Variants in ACBD5 observed in about 807,000 individuals in gnomAD.
ACBD5 encodes the protein acyl-CoA-binding domain-containing protein 5.
ACBD5 carries 40 observed loss-of-function variants against 71.8 expected under a neutral mutation model. That is an observed-to-expected ratio of 0.56 (90% CI 0.43 to 0.72). The LOEUF is 0.72. Ranked by LOEUF, ACBD5 falls within the 30% of genes least tolerant of loss-of-function variation. The probability of loss-of-function intolerance (pLI) is 0.00; values close to 1 mark genes in which losing one functional copy is unlikely to be tolerated. For synonymous variants in ACBD5, 229 were observed against 218.6 expected (o/e 1.05, Z -0.42); for missense variants, 559 against 644.5 (o/e 0.87, Z 1.44).
chr10:27,236,510 A>G (rs889746671), intron 2 of ACBD5, among the ~76,000 whole-genome samples: 1 of 152,190 alleles, frequency 6.6e-6, no homozygotes, highest in Admixed American at 6.5e-5. Flanking sequence ...ACATCAGTGT[A>G]TATTACCTTT....
rs2065367516 is a variant in ACBD5 at position 27,240,600 on chromosome 10, C to T, written c.15+74G>A. 2.6e-6 allele frequency: 4 copies of T among 1,551,096 alleles called. No individual in the cohort carries two copies. The highest frequency in any genetic ancestry group is 3.3e-4 in the Middle Eastern group (2 of 5,994). On this transcript the variant is annotated intron_variant, in intron 1 of 12. Transcript: ENST00000396271. This position sits in a 1 kb window ranked among gnomAD's most constrained non-coding sequence, Gnocchi z 4.1. ...TCCAGGCCACACAGATCGAAGCGGC[C>T]CGGCTCCTTCCTCCTCCCCCGGGGC...
At chr10:27,183,754 G>A (rs964566153) in intron 13 of ACBD5, among the ~76,000 whole-genome samples, 11 of 151,930 alleles carry the variant, frequency 7.2e-5, no homozygotes, top group Admixed American at 7.2e-4. Flanking sequence ...ATCTGGGTCT[G>A]TCGCCCAGGC....
downstream of ACBD5, among the ~76,000 whole-genome samples, chr10:27,191,131 G>A (rs186933321): frequency 6.1e-4 from 93 of 152,270 alleles, no homozygotes; most frequent in African/African-American, 2.2e-3. Context: ...TCAGCGCTAA[G>A]AAGAAATGAA....
downstream of ACBD5, among the ~76,000 whole-genome samples, chr10:27,191,210 C>T (rs527302692): frequency 7.2e-5 from 11 of 152,090 alleles, no homozygotes; most frequent in African/African-American, 2.4e-4. Context: ...TCTGACAAGG[C>T]GACACACCGT....
downstream of ACBD5, among the ~76,000 whole-genome samples, chr10:27,192,575 G>A (rs1040336881): frequency 2.0e-5 from 3 of 152,106 alleles, no homozygotes; most frequent in Non-Finnish European, 2.9e-5. Flanking sequence ...GAGGAAGAGC[G>A]CTCCAAGGGA....
intron 3 of ACBD5, among the ~76,000 whole-genome samples, chr10:27,232,825 TTA>T (rs1230220577): frequency 2.0e-5 from 3 of 152,208 alleles, no homozygotes; most frequent in South Asian, 2.1e-4. Flanking sequence ...ACCTCCATTT[TTA>T]TATGTTTTTC....
rs1173933639 is a variant in ACBD5 at position 27,217,835 on chromosome 10, A to G, written c.829+145T>C. ...TTGGCCCTAATTCACTCTTTTTCAA[A>G]ACTATAAATGCTTATAATATTAATA... is the stretch of plus-strand genomic sequence containing the variant. On this transcript the variant is annotated intron_variant, in intron 7 of 12. Coordinates refer to ENST00000396271, the MANE Select transcript of ACBD5 (RefSeq NM_145698.5). 4.8e-6 allele frequency: 4 copies of G among 827,342 alleles called. No individual in the cohort carries two copies. The African/African-American group carries it at 6.9e-5, about 14-fold the overall frequency. The allele number at this position is 827,342 out of a possible 1,614,324, so 51.3% of individuals were successfully genotyped here. A position where few individuals can be genotyped will look rare whatever the true frequency, so the allele number is the denominator to read the frequency against.
Position 27,204,288 on chromosome 10 carries a change from A to G in ACBD5, c.1565+152T>C. ...TAGGAATCCACAAGATATCATTTCC[A>G]AGGCAGTTTCAGTCTCAGGATAAAT... On this transcript the variant is annotated intron_variant, in intron 12 of 12. Coordinates refer to ENST00000396271, the MANE Select transcript of ACBD5 (RefSeq NM_145698.5). The G allele has an allele frequency of 4.6e-6, 3 of 651,916 alleles. No homozygotes were observed. In the East Asian group the frequency reaches 8.4e-5, roughly 18 times the overall value. The allele number at this position is 651,916 out of a possible 1,614,324, so 40.4% of individuals were successfully genotyped here.
chr10:27,209,172 G>T (rs546631430), intron 9 of ACBD5, among the ~76,000 whole-genome samples: 10 of 151,960 alleles, frequency 6.6e-5, no homozygotes, highest in African/African-American at 1.2e-4. Context: ...CAATCCACCT[G>T]CCCTGGACTC....
intron 5 of ACBD5, among the ~76,000 whole-genome samples, chr10:27,222,410 TA>T (rs11322768): frequency 0.82 from 115,631 of 140,336 alleles, 50,489 homozygotes; most frequent in Non-Finnish European, 0.97. Flanking sequence ...GACAAAATTC[TA>T]AAAAAAAAAA....
chr10:27,185,623 A>C (rs2058668656), intron 13 of ACBD5, among the ~76,000 whole-genome samples: 1 of 149,208 alleles, frequency 6.7e-6, no homozygotes, highest in East Asian at 2.0e-4. Flanking sequence ...ACAGACAAAA[A>C]AAAAAAAAAA....
At chr10:27,223,992 T>C (rs1017357149) in intron 4 of ACBD5, among the ~76,000 whole-genome samples, 1 of 152,144 alleles carries the variant, frequency 6.6e-6, no homozygotes, top group African/African-American at 2.4e-5. Context: ...ATTAAAGATC[T>C]AAAAGTGTTC....
downstream of ACBD5, among the ~76,000 whole-genome samples, chr10:27,190,871 G>A (rs1457146112): frequency 6.6e-6 from 1 of 152,218 alleles, no homozygotes; most frequent in Non-Finnish European, 1.5e-5. Flanking sequence ...GAGAATGGAA[G>A]AGCCACATTT....
intron 4 of ACBD5, among the ~76,000 whole-genome samples, chr10:27,228,013 G>A (rs368212849): frequency 2.6e-5 from 4 of 151,480 alleles, no homozygotes; most frequent in South Asian, 2.1e-4. Context: ...GCGCCCGGCC[G>A]AGATTCCATC....
At chr10:27,207,286 C>CATAATA (rs10676608) in intron 10 of ACBD5, among the ~76,000 whole-genome samples, 2,729 of 146,020 alleles carry the variant, frequency 0.019, 35 homozygotes, top group Non-Finnish European at 0.022. Context: ...AAAAAAAACC[C>CATAATA]ATAATAATAA....
chr10:27,240,644 C>A lies in ACBD5; in HGVS notation c.15+30G>T, dbSNP rs1424520662. 1 of 1,550,998 alleles carries A rather than the reference C, an allele frequency of 6.4e-7. No individual in the cohort carries two copies. Among genetic ancestry groups the A allele is most frequent in the African/African-American group, 1.4e-5 (1 of 73,030 alleles). ...CCGGGGCGTGACTAAGGCCACGAAT[C>A]CGGCCCGCGACGACAGCAAAACAAC... On this transcript the variant is annotated intron_variant, in intron 1 of 12. Coordinates refer to ENST00000396271, the MANE Select transcript of ACBD5 (RefSeq NM_145698.5). The surrounding 1 kb of genome is among the most constrained non-coding windows in gnomAD (Gnocchi z 4.1).
Position 27,240,668 on chromosome 10 carries a change from A to T in ACBD5, c.15+6T>A, listed in dbSNP as rs2065384718. 1.3e-6 allele frequency: 2 copies of T among 1,550,128 alleles called. No individual in the cohort carries two copies. The highest frequency in any genetic ancestry group is 1.4e-5 in the African/African-American group (1 of 72,784). Reference sequence around the variant, plus strand: ...TCCGGCCCGCGACGACAGCAAAACAACTCACCGAGAGGAAGAGCATGTCTA... The same window carrying T: ...TCCGGCCCGCGACGACAGCAAAACATCTCACCGAGAGGAAGAGCATGTCTA... On this transcript the variant is annotated splice_donor_region_variant and intron_variant, in intron 1 of 12. Transcript: ENST00000396271. The surrounding 1 kb of genome is among the most constrained non-coding windows in gnomAD (Gnocchi z 4.1).
chr10:27,240,310 C>A lies in ACBD5; in HGVS notation c.181+9G>T, dbSNP rs1163249189. 1 of 1,614,010 alleles carries A rather than the reference C, an allele frequency of 6.2e-7. No homozygotes were observed. The highest frequency in any genetic ancestry group is 8.5e-7 in the Non-Finnish European group (1 of 1,180,014). Reference sequence around the variant, plus strand: ...GGAGGCGTCTACAGCCGGGGCCCAGCGCACGTACCATTCTTCGGCAAACTC... The same window carrying A: ...GGAGGCGTCTACAGCCGGGGCCCAGAGCACGTACCATTCTTCGGCAAACTC... On this transcript the variant is annotated intron_variant, in intron 2 of 12. Coordinates refer to ENST00000396271, the MANE Select transcript of ACBD5 (RefSeq NM_145698.5). This position sits in a 1 kb window ranked among gnomAD's most constrained non-coding sequence, Gnocchi z 4.1.
At chr10:27,184,557 T>TC (rs1269474645) in intron 13 of ACBD5, among the ~76,000 whole-genome samples, 23 of 130,332 alleles carry the variant, frequency 1.8e-4, no homozygotes, top group Middle Eastern at 3.3e-3. Flanking sequence ...AAGAAGGATT[T>TC]TTTTTTTTTT....
Sources: allele counts gnomAD v4.1 joint callset (sites outside exome capture counted in the v4.1 genomes callset), GRCh38; gene constraint gnomAD v4.1.1; non-coding constraint Gnocchi (gnomAD v3.1); transcripts MANE v1.5; gene names NCBI Gene and HGNC (gene_info 2026-07-23, HGNC 2026-07-21).